Variants in RMDN1 observed in about 807,000 individuals in gnomAD.
The protein encoded by RMDN1 is regulator of microtubule dynamics 1, also known as regulator of microtubule dynamics protein 1.
A neutral mutation model predicts 48.9 loss-of-function variants in RMDN1; 48 were observed. The observed-to-expected ratio is 0.98, with a 90% CI of 0.78 to 1.25. RMDN1 has a LOEUF of 1.25. RMDN1 is among the 50% of genes most tolerant of loss of function. The pLI is 0.00. For synonymous variants in RMDN1, 148 were observed against 132.6 expected (o/e 1.12, Z -0.80); for missense variants, 418 against 373.4 (o/e 1.12, Z -0.98).
intron 2 of RMDN1, among the ~76,000 whole-genome samples, chr8:86,502,067 T>C (rs972308293): frequency 2.0e-5 from 3 of 152,164 alleles, no homozygotes; most frequent in Non-Finnish European, 4.4e-5. Flanking sequence ...AATAAGACCA[T>C]CTATTCAAAA....
Position 86,480,209 on chromosome 8 carries a change from A to G in RMDN1, c.641+68T>C, listed in dbSNP as rs188084843. On this transcript the variant is annotated intron_variant, in intron 6 of 9. Coordinates refer to ENST00000406452, the MANE Select transcript of RMDN1 (RefSeq NM_016033.3). ...TTAATATCTTTTATATATGCAAAAG[A>G]AGATATTTATACATACTACAAAATA... is the stretch of plus-strand genomic sequence containing the variant. The G allele has an allele frequency of 1.4e-5, 10 of 740,434 alleles. No individual in the cohort carries two copies. The Admixed American group carries it at 2.9e-4, about 22-fold the overall frequency. The allele number at this position is 740,434 out of a possible 1,614,324, so 45.9% of individuals were successfully genotyped here. A position where few individuals can be genotyped will look rare whatever the true frequency, so the allele number is the denominator to read the frequency against.
intron 5 of RMDN1, chr8:86,482,313 A>G: frequency 3.2e-6 from 1 of 310,136 alleles, no homozygotes; most frequent in Non-Finnish European, 6.1e-6. Context: ...GAGGCAGGAG[A>G]ATCACTTGAA....
In RMDN1 at chr8:86,482,850, T is replaced by C. The variant is rs1379568232; in HGVS notation, c.585+2022A>G. On this transcript the variant is annotated intron_variant, in intron 5 of 9. Transcript: ENST00000406452. ...TTGGGGAGGTCACTGCGAGCTCTCTTTGCTGAACATACAGAAGGCCCTGGG... is the reference window on the plus strand; with the variant it reads ...TTGGGGAGGTCACTGCGAGCTCTCTCTGCTGAACATACAGAAGGCCCTGGG... 6.9e-6 allele frequency: 8 copies of C among 1,158,164 alleles called. No individual in the cohort carries two copies. The East Asian group carries it at 1.4e-4, about 20-fold the overall frequency. 71.7% of individuals were successfully genotyped at this position (1,158,164 alleles called of 1,614,324 possible).
At position 86,504,662 on chromosome 8, in the gene RMDN1, G is replaced by A. The variant is rs183730990; in HGVS notation, c.247+2333C>T. The A allele has an allele frequency of 8.3e-4, 731 of 875,712 alleles. 3 individuals are homozygous for A. The African/African-American group carries it at 9.7e-3, about 12-fold the overall frequency. 54.2% of individuals were successfully genotyped at this position (875,712 alleles called of 1,614,324 possible). On this transcript the variant is annotated intron_variant, in intron 2 of 9. Transcript: ENST00000406452. Reference sequence around the variant, plus strand: ...TGTTATTAAAGGATGAGTATAATGGGATGAGCTTTGTCTTTATCGGGGCTA... The same window carrying A: ...TGTTATTAAAGGATGAGTATAATGGAATGAGCTTTGTCTTTATCGGGGCTA...
At chr8:86,491,282 G>A (rs933914620) in intron 2 of RMDN1, among the ~76,000 whole-genome samples, 6 of 151,878 alleles carry the variant, frequency 4.0e-5, no homozygotes, top group East Asian at 1.9e-4. Flanking sequence ...CTACAGGTGC[G>A]CACCACCACG....
chr8:86,503,984 G>C, intron 2 of RMDN1: 1 of 773,438 alleles, frequency 1.3e-6, no homozygotes, highest in East Asian at 2.5e-5. Flanking sequence ...CTGTGCACAG[G>C]TTTTATGCCC....
chr8:86,494,745 T>C (rs1817046368), intron 2 of RMDN1: 1 of 236,530 alleles, frequency 4.2e-6, no homozygotes, highest in Non-Finnish European at 8.6e-6. Context: ...ATTCCAGACT[T>C]TGGGGTGGGC....
At chr8:86,480,435 G>C in intron 5 of RMDN1, 103 bp from the exon 6 acceptor site, 1 of 556,214 alleles carries the variant, frequency 1.8e-6, no homozygotes, top group Non-Finnish European at 3.2e-6. Context: ...AAATGCAACT[G>C]TGTGTTTCAG....
In RMDN1 at chr8:86,503,789, A is replaced by G. The variant is rs1345752149; in HGVS notation, c.247+3206T>C. On this transcript the variant is annotated intron_variant, in intron 2 of 9. Transcript: ENST00000406452. ...GTCCTTGTCTGTGGCCATATTCTCC[A>G]TTGTTGGTATGACTGGCTCCTTTTC... The G allele has an allele frequency of 2.5e-5, 13 of 511,308 alleles. No homozygotes were observed. In the Admixed American group the frequency reaches 3.0e-4, roughly 12 times the overall value. 31.7% of individuals were successfully genotyped at this position (511,308 alleles called of 1,614,324 possible).
intron 5 of RMDN1, among the ~76,000 whole-genome samples, chr8:86,481,480 T>C (rs968746393): frequency 6.6e-6 from 1 of 151,982 alleles, no homozygotes; most frequent in Non-Finnish European, 1.5e-5. Context: ...AGAAATACTG[T>C]AGTCCCATTC....
At chr8:86,512,327 C>A (rs770298130), upstream of RMDN1, among the ~76,000 whole-genome samples, 1 of 152,120 alleles carries the variant, frequency 6.6e-6, no homozygotes, top group Non-Finnish European at 1.5e-5. Context: ...AAAGTAGAAT[C>A]AAAAATAGAG....
intron 2 of RMDN1, chr8:86,504,539 C>A: frequency 7.3e-7 from 1 of 1,377,300 alleles, no homozygotes; most frequent in Non-Finnish European, 1.0e-6. Context: ...ACTATCTTCA[C>A]TGTAGTTTCC....
intron 2 of RMDN1, among the ~76,000 whole-genome samples, chr8:86,498,725 G>A (rs1391234866): frequency 7.2e-5 from 11 of 152,168 alleles, no homozygotes; most frequent in Non-Finnish European, 4.4e-5. Flanking sequence ...AGGTTGCAGT[G>A]AGCCAAGATT....
At chr8:86,513,449 A>G (rs555546722), upstream of RMDN1, among the ~76,000 whole-genome samples, 7 of 152,330 alleles carry the variant, frequency 4.6e-5, no homozygotes, top group East Asian at 1.9e-4. Context: ...ATTTTTCCCA[A>G]TGTGTTTTAT....
chr8:86,503,385 A>AAAAAAAAAAAAAAAC (rs1554594088), intron 2 of RMDN1, among the ~76,000 whole-genome samples: 11 of 81,024 alleles, frequency 1.4e-4, no homozygotes, highest in African/African-American at 1.4e-4. Flanking sequence ...AAAAAAAAAA[A>AAAAAAAAAAAAAAAC]AAAACAAAAA....
At chr8:86,501,583 GA>G (rs1283415511) in intron 2 of RMDN1, among the ~76,000 whole-genome samples, 2 of 151,866 alleles carry the variant, frequency 1.3e-5, no homozygotes, top group Non-Finnish European at 2.9e-5. Flanking sequence ...TGAGGTGGGA[GA>G]ATCACCCGGG....
At chr8:86,488,138 T>C (rs181759444) in intron 3 of RMDN1, among the ~76,000 whole-genome samples, 89 of 152,314 alleles carry the variant, frequency 5.8e-4, no homozygotes, top group South Asian at 2.1e-4. Context: ...TCTAAAGTAA[T>C]ACACAGTTAC....
At chr8:86,482,571 G>A (rs1193877537) in intron 5 of RMDN1, 1 of 743,696 alleles carries the variant, frequency 1.3e-6, no homozygotes, top group African/African-American at 1.7e-5. Context: ...AATTCACTAA[G>A]AAGTTAATGA....
At chr8:86,469,544 G>A (rs909457012), downstream of RMDN1, among the ~76,000 whole-genome samples, 2 of 152,194 alleles carry the variant, frequency 1.3e-5, no homozygotes, top group African/African-American at 4.8e-5. Flanking sequence ...GTTCAAAATT[G>A]TCCTGCTGGT....
Sources: allele counts gnomAD v4.1 joint callset (sites outside exome capture counted in the v4.1 genomes callset), GRCh38; gene constraint gnomAD v4.1.1; transcripts MANE v1.5; gene names NCBI Gene and HGNC (gene_info 2026-07-23, HGNC 2026-07-21).